Variants in SORCS3 observed in about 807,000 individuals in gnomAD.
SORCS3 encodes the protein VPS10 domain-containing receptor SorCS3.
SORCS3 carries 57 observed loss-of-function variants against 146.3 expected under a neutral mutation model. The observed-to-expected ratio is 0.39, with a 90% confidence interval of 0.31 to 0.49. The LOEUF is 0.49. Ranked by LOEUF, SORCS3 falls within the 20% of genes least tolerant of loss-of-function variation. SORCS3 has a pLI of 0.92. For missense variants in SORCS3, 1,341 were observed against 1,575.5 expected, an observed-to-expected ratio of 0.85 and a Z score of 2.52; for synonymous variants, 653 against 618.5, an observed-to-expected ratio of 1.06 and a Z score of -0.83.
intron 5 of SORCS3, among the ~76,000 whole-genome samples, chr10:105,073,375 C>G (rs114830851): frequency 6.6e-6 from 1 of 152,176 alleles, no homozygotes; most frequent in Non-Finnish European, 1.5e-5. Context: ...GTTTCTCCTG[C>G]TTAGAGAATG....
chr10:104,841,487 C>T lies in SORCS3; in HGVS notation c.628-1305C>T, dbSNP rs548826004. 9.9e-5 allele frequency among the ~76,000 whole-genome samples: 15 copies of T among 152,200 alleles called. No individual in the cohort carries two copies. The East Asian group carries it at 1.5e-3, about 16-fold the overall frequency. On this transcript the variant is annotated intron_variant, in intron 1 of 26. Coordinates refer to ENST00000369701, the MANE Select transcript of SORCS3 (RefSeq NM_014978.3). ...TCATCGCAGAGAAATTGAATATTCCCGTCACCTTTGGCACATAATGGATCA... is the reference window on the plus strand; with the variant it reads ...TCATCGCAGAGAAATTGAATATTCCTGTCACCTTTGGCACATAATGGATCA...
At chr10:104,652,065 G>A (rs1256899499) in intron 1 of SORCS3, among the ~76,000 whole-genome samples, 2 of 144,512 alleles carry the variant, frequency 1.4e-5, no homozygotes, top group African/African-American at 5.0e-5. Context: ...TTAAATGTGT[G>A]TGTGTGTGTG....
At chr10:105,162,388 G>A (rs1250334991) in intron 11 of SORCS3, among the ~76,000 whole-genome samples, 1 of 152,054 alleles carries the variant, frequency 6.6e-6, no homozygotes, top group African/African-American at 2.4e-5. Flanking sequence ...AACATGGTTG[G>A]CAGCCACTCT....
chr10:104,815,105 T>C (rs996489591), intron 1 of SORCS3, among the ~76,000 whole-genome samples: 6 of 152,192 alleles, frequency 3.9e-5, no homozygotes, highest in Admixed American at 3.9e-4. Flanking sequence ...GCGTGATTAC[T>C]GCTGTTCTGT....
At chr10:104,659,548 C>T (rs2015674589) in intron 1 of SORCS3, among the ~76,000 whole-genome samples, 1 of 152,112 alleles carries the variant, frequency 6.6e-6, no homozygotes, top group African/African-American at 2.4e-5. Context: ...TTTGGGATTC[C>T]TTTAGGTGGA....
At chr10:104,756,153 A>G (rs2017048234) in intron 1 of SORCS3, among the ~76,000 whole-genome samples, 1 of 152,182 alleles carries the variant, frequency 6.6e-6, no homozygotes, top group East Asian at 1.9e-4. Flanking sequence ...CAACACTATT[A>G]TTAGAGTTAG....
At chr10:104,940,238 A>ATATATATATATATATATATATATATATT (rs1435205868) in intron 3 of SORCS3, among the ~76,000 whole-genome samples, 1 of 31,520 alleles carries the variant, frequency 3.2e-5, no homozygotes, top group Admixed American at 4.1e-4. Flanking sequence ...ATATATATAT[A>ATATATATATATATATATATATATATATT]TTTTTTTTTT....
chr10:105,211,828 T>C (rs1159449599), intron 17 of SORCS3, among the ~76,000 whole-genome samples: 3 of 152,216 alleles, frequency 2.0e-5, no homozygotes, highest in Non-Finnish European at 4.4e-5. Context: ...GCTGCCTCTA[T>C]AACCAAGAAC....
chr10:105,043,621 C>G lies in SORCS3; in HGVS notation c.1028+493C>G, dbSNP rs140993216. On this transcript the variant is annotated intron_variant, in intron 5 of 26. Transcript: ENST00000369701. ...GGTTATGATAATTCAATTTTATACT[C>G]CTGGAAACTCAGGATTCATGTTATG... Among the ~76,000 whole-genome samples the G allele has an allele frequency of 1.6e-3, 244 of 152,190 alleles. 2 individuals are homozygous for G. The highest frequency in any genetic ancestry group is 5.7e-3 in the African/African-American group (236 of 41,542).
intron 3 of SORCS3, among the ~76,000 whole-genome samples, chr10:104,970,856 A>G (rs768860533): frequency 4.8e-4 from 71 of 147,022 alleles, no homozygotes; most frequent in Non-Finnish European, 4.7e-4. Flanking sequence ...TCTGGGTAAC[A>G]TTGAAAAAAT....
chr10:105,050,910 C>A (rs2055406179), intron 5 of SORCS3, among the ~76,000 whole-genome samples: 1 of 152,068 alleles, frequency 6.6e-6, no homozygotes, highest in African/African-American at 2.4e-5. Flanking sequence ...TTAGATATTT[C>A]ATTTTGCCCA....
At chr10:104,737,918 T>G (rs1442833204) in intron 1 of SORCS3, among the ~76,000 whole-genome samples, 1 of 150,676 alleles carries the variant, frequency 6.6e-6, no homozygotes, top group South Asian at 2.1e-4. Context: ...GGTCTAACGT[T>G]TAAGTCTTTA....
At chr10:105,198,722 C>T (rs1475428427) in intron 14 of SORCS3, among the ~76,000 whole-genome samples, 1 of 152,002 alleles carries the variant, frequency 6.6e-6, no homozygotes, top group African/African-American at 2.4e-5. Flanking sequence ...CTACCCCATG[C>T]TGAGCTTAGA....
chr10:104,788,317 G>A (rs1048800066), intron 1 of SORCS3, among the ~76,000 whole-genome samples: 13 of 152,160 alleles, frequency 8.5e-5, no homozygotes, highest in Non-Finnish European at 1.3e-4. Flanking sequence ...CAGTTATGGT[G>A]CATTTATAGA....
At chr10:104,676,217 G>C (rs954304197) in intron 1 of SORCS3, among the ~76,000 whole-genome samples, 1 of 151,776 alleles carries the variant, frequency 6.6e-6, no homozygotes, top group Admixed American at 6.6e-5. Context: ...TTGCCTTATT[G>C]AACAGGTTAT....
At chr10:104,822,944 G>A (rs1179530004) in intron 1 of SORCS3, among the ~76,000 whole-genome samples, 2 of 152,144 alleles carry the variant, frequency 1.3e-5, no homozygotes, top group African/African-American at 4.8e-5. Context: ...CCTGTTATCT[G>A]CCATTCTGGG....
chr10:104,907,337 T>C (rs1354089658), intron 2 of SORCS3, among the ~76,000 whole-genome samples: 3 of 152,328 alleles, frequency 2.0e-5, no homozygotes, highest in East Asian at 3.9e-4. Flanking sequence ...CCTGATAGGT[T>C]AGAGTTTTTG....
At chr10:105,040,374 C>T (rs904796725) in intron 4 of SORCS3, among the ~76,000 whole-genome samples, 1 of 152,178 alleles carries the variant, frequency 6.6e-6, no homozygotes, top group East Asian at 1.9e-4. Flanking sequence ...TGGCCAACAA[C>T]AGTCATCATA....
intron 16 of SORCS3, among the ~76,000 whole-genome samples, chr10:105,207,610 A>C (rs1187925676): frequency 6.6e-6 from 1 of 152,188 alleles, no homozygotes; most frequent in Non-Finnish European, 1.5e-5. Context: ...GTTTTTCTAA[A>C]TCATGCAGAC....
Sources: gnomAD v4.1 joint callset for allele counts (sites outside exome capture counted in the v4.1 genomes callset) on GRCh38, gnomAD v4.1.1 for gene constraint, MANE v1.5 for transcripts, NCBI Gene and HGNC (gene_info 2026-07-23, HGNC 2026-07-21) for gene names.